The following ASAH1 variants were observed in gnomAD, a reference collection of about 807,000 sequenced individuals.
ASAH1 encodes the protein N-acylsphingosine amidohydrolase 1.
A neutral mutation model predicts 59.5 loss-of-function variants in ASAH1; 70 were observed. The ratio of observed to expected loss-of-function variants is 1.18; its 90% confidence interval spans 0.97 to 1.43. ASAH1 has a LOEUF of 1.43. ASAH1 is among the 40% of genes most tolerant of loss of function. The pLI is 0.00. For synonymous variants in ASAH1, 213 were observed against 166.5 expected (o/e 1.28, Z -2.15); for missense variants, 660 against 482.5 (o/e 1.37, Z -3.45).
chr8:18,082,154 C>T lies in ASAH1; in HGVS notation c.78+1827G>A, dbSNP rs545850394. On this transcript the variant is annotated intron_variant, in intron 1 of 13. Coordinates refer to ENST00000637790, the MANE Select transcript of ASAH1 (RefSeq NM_177924.5). ...TTGAAAACCTGTGAAAACAGCTTCC[C>T]AAAGTGACACCAGTGGCCAGACTAG... 5.3e-5 allele frequency among the ~76,000 whole-genome samples: 8 copies of T among 152,286 alleles called. No homozygotes were observed. The East Asian group carries it at 1.5e-3, about 29-fold the overall frequency.
At chr8:18,059,513 C>A (rs1437005565) in intron 11 of ASAH1, 49 bp from the exon 12 acceptor site, 1 of 1,614,124 alleles carries the variant, frequency 6.2e-7, no homozygotes, top group Non-Finnish European at 8.5e-7. Flanking sequence ...CCTTAAAACT[C>A]AAAGTATATC....
In ASAH1 at chr8:18,059,420, T is replaced by C; in HGVS notation, c.962A>G (p.Tyr321Cys). 24 of 1,614,218 alleles carry C rather than the reference T, an allele frequency of 1.5e-5. No homozygotes were observed. Among genetic ancestry groups the C allele is most frequent in the Non-Finnish European group, 2.0e-5 (24 of 1,180,040 alleles). Residue 321 changes from tyrosine (Y) to cysteine (C), a missense_variant, in exon 12 of 14, where the codon TAT (tyrosine) becomes TGT (cysteine). Coordinates refer to ENST00000637790, the MANE Select transcript of ASAH1 (RefSeq NM_177924.5). The part of the protein sequence containing the change: ...QGRWYVVQTN[Y>C]DRWKHPFFLD... ...GAAGAAGGGATGTTTCCAACGGTCA[T>C]AATTTGTTTGTACCACATACCATCT...
chr8:18,073,843 C>T (rs1170497630), intron 2 of ASAH1, among the ~76,000 whole-genome samples: 1 of 152,078 alleles, frequency 6.6e-6, no homozygotes, highest in East Asian at 1.9e-4. Context: ...AAAGCCGAGG[C>T]TTTTTGTGTA....
At chr8:18,076,030 A>G (rs1388432540) in intron 1 of ASAH1, 1 of 230,768 alleles carries the variant, frequency 4.3e-6, no homozygotes, top group African/African-American at 2.3e-5. Context: ...GCCCTTCATC[A>G]TCTTTCCATG....
Position 18,062,315 on chromosome 8 carries a change from A to G in ASAH1, c.612T>C (p.Phe204=), listed in dbSNP as rs765078195. ...CTGTTAACATGCCCACATAGCCAGC[A>G]AAGCTTGAAGCCTTGAAGACAGTTT... ...NNKTVFKASS[F]AGYVGMLTGF... The change falls in exon 8 of 14, where the codon TTT becomes TTC. Residue 204 remains phenylalanine, a synonymous_variant. Coordinates refer to ENST00000637790, the MANE Select transcript of ASAH1 (RefSeq NM_177924.5). 2.5e-6 allele frequency: 4 copies of G among 1,614,254 alleles called. No homozygotes were observed. The highest frequency in any genetic ancestry group is 3.3e-5 in the Admixed American group (2 of 60,036).
intron 2 of ASAH1, among the ~76,000 whole-genome samples, chr8:18,073,999 GACAC>G (rs1370356672): frequency 3.2e-4 from 48 of 152,218 alleles, no homozygotes; most frequent in African/African-American, 1.0e-3. Flanking sequence ...CACATAGGTA[GACAC>G]ACACTCACAT....
At chr8:18,061,064 T>G in intron 10 of ASAH1, 1 of 298,930 alleles carries the variant, frequency 3.3e-6, no homozygotes, top group East Asian at 8.6e-5. Context: ...GTACTACCAT[T>G]TAAATGAAGA....
intron 13 of ASAH1, 163 bp downstream of exon 13, chr8:18,058,672 C>T: frequency 1.5e-6 from 1 of 647,132 alleles, no homozygotes; most frequent in Non-Finnish European, 2.7e-6. Context: ...TCTTGTATTC[C>T]AAAATACAGT....
At chr8:18,058,810 A>T (rs1450305725) in intron 13 of ASAH1, 25 bp downstream of exon 13, 1 of 1,590,868 alleles carries the variant, frequency 6.3e-7, no homozygotes, top group African/African-American at 1.3e-5. Flanking sequence ...CTAAAAGGCA[A>T]ATATACATAT....
intron 2 of ASAH1, chr8:18,073,254 A>C: frequency 6.3e-7 from 1 of 1,577,338 alleles, no homozygotes; most frequent in South Asian, 1.1e-5. Flanking sequence ...AAGAGTATCC[A>C]CCTTATAACA....
intron 6 of ASAH1, 37 bp downstream of exon 6, chr8:18,064,420 G>A: frequency 7.0e-7 from 1 of 1,430,934 alleles, no homozygotes; most frequent in South Asian, 1.2e-5. Context: ...TTTATGTAGT[G>A]CTTCATGCTG....
At chr8:18,061,967 C>T in intron 8 of ASAH1, 1 of 627,508 alleles carries the variant, frequency 1.6e-6, no homozygotes. Flanking sequence ...GGACAGGAAA[C>T]TGAAGGGCAG....
In ASAH1 at chr8:18,064,797, G is replaced by A. The variant is rs534806370; in HGVS notation, c.383-266C>T. ...TGTTCTCCAACATCACATCCAAAAT[G>A]TTTATCAACATGCTTCATTTTGAAT... On this transcript the variant is annotated intron_variant, in intron 5 of 13. Coordinates refer to ENST00000637790, the MANE Select transcript of ASAH1 (RefSeq NM_177924.5). The A allele has an allele frequency of 1.8e-5, 7 of 386,632 alleles. No homozygotes were observed. In the South Asian group the frequency reaches 2.9e-4, roughly 16 times the overall value. The allele number at this position is 386,632 out of a possible 1,614,324, so 24.0% of individuals were successfully genotyped here.
intron 5 of ASAH1, 76 bp downstream of exon 5, chr8:18,067,144 T>TATCTAAGACATACAGCACCTGTGCTGTAC: frequency 8.2e-7 from 1 of 1,223,778 alleles, no homozygotes; most frequent in South Asian, 1.4e-5. Flanking sequence ...CTGTGCTGTA[T>TATCTAAGACATACAGCACCTGTGCTGTAC]GTATATCACA....
At chr8:18,064,436 C>CGGGG in intron 6 of ASAH1, 21 bp downstream of exon 6, 36 of 1,347,814 alleles carry the variant, frequency 2.7e-5, no homozygotes, top group Non-Finnish European at 3.3e-5. Flanking sequence ...TGCTGCCCAC[C>CGGGG]CTCCCTCAGC....
chr8:18,069,321 A>G (rs1220628606), intron 4 of ASAH1: 1 of 158,806 alleles, frequency 6.3e-6, no homozygotes, highest in Non-Finnish European at 1.4e-5. Flanking sequence ...TGAGGATGAA[A>G]ATGAAATGGT....
At chr8:18,082,820 C>CAGTATCAA (rs1180540052) in intron 1 of ASAH1, among the ~76,000 whole-genome samples, 1 of 152,296 alleles carries the variant, frequency 6.6e-6, no homozygotes, top group South Asian at 2.1e-4. Flanking sequence ...AGGGCCCTGA[C>CAGTATCAA]AGTATCAAAG....
intron 3 of ASAH1, 38 bp from the exon 4 acceptor site, chr8:18,069,916 G>C: frequency 7.1e-7 from 1 of 1,416,278 alleles, no homozygotes; most frequent in Non-Finnish European, 9.9e-7. Flanking sequence ...AAGACATAAT[G>C]AAATGCTGTC....
chr8:18,073,178 C>T, intron 2 of ASAH1: 3 of 1,341,022 alleles, frequency 2.2e-6, no homozygotes, highest in Admixed American at 2.2e-5. Context: ...TTTTACCTCT[C>T]GTTAAACAGT....
Sources: allele counts gnomAD v4.1 joint callset (sites outside exome capture counted in the v4.1 genomes callset), GRCh38; gene constraint gnomAD v4.1.1; transcripts MANE v1.5; gene names NCBI Gene and HGNC (gene_info 2026-07-23, HGNC 2026-07-21).